The following G6PC3 variants were observed in gnomAD, a reference collection of about 807,000 sequenced individuals.
G6PC3 encodes glucose-6-phosphatase catalytic subunit 3, also known as glucose-6-phosphatase 3.
In G6PC3, 30 loss-of-function variants were observed where a neutral mutation model predicts 38.6. The observed-to-expected ratio is 0.78, with a 90% CI of 0.58 to 1.05. The LOEUF is 1.05. Ranked by LOEUF, G6PC3 falls within the 50% of genes least tolerant of loss-of-function variation. The pLI is 0.00. For synonymous variants in G6PC3, 192 were observed against 178.1 expected (o/e 1.08, Z -0.62); for missense variants, 377 against 443.1 (o/e 0.85, Z 1.34).
rs3815076 is a variant in G6PC3, at chr17:44,074,735, G to A, written c.381G>A (p.Thr127=). ...GAGCAGCCCTCTGGCCCATAATGAC[G>A]GCCCTGTCTTCGCAGGTGGCCACTC... The part of the protein sequence containing the change: ...ITGAALWPIM[T]ALSSQVATRA... The change falls in exon 3 of 6, where the codon ACG becomes ACA. Residue 127 remains threonine (T), a synonymous_variant. Coordinates refer to ENST00000269097, the MANE Select transcript of G6PC3 (RefSeq NM_138387.4). 180,701 of 1,613,860 alleles carry A rather than the reference G, an allele frequency of 0.11. 22,726 individuals carry two copies. Among genetic ancestry groups the A allele is most frequent in the East Asian group, 0.72 (32,431 of 44,842 alleles).
intron 1 of G6PC3, chr17:44,071,774 C>T: frequency 1.9e-6 from 1 of 528,654 alleles, no homozygotes; most frequent in South Asian, 1.5e-5. Context: ...CGGGCCAGAG[C>T]TACTGAATCA....
intron 1 of G6PC3, chr17:44,073,896 A>G: frequency 2.3e-6 from 1 of 444,090 alleles, no homozygotes; most frequent in Non-Finnish European, 4.2e-6. Context: ...ACCTGGCCCC[A>G]GACTAGTTTT....
At chr17:44,071,613 G>A (rs2049980093) in intron 1 of G6PC3, 1 of 1,267,742 alleles carries the variant, frequency 7.9e-7, no homozygotes, top group African/African-American at 1.5e-5. Context: ...TCATTCATTT[G>A]CTATAATTTT....
chr17:44,070,791 G>C lies in G6PC3; in HGVS notation c.-175G>C, dbSNP rs1257587112. On this transcript the variant is annotated 5_prime_UTR_variant, in exon 1 of 6. Transcript: ENST00000269097. ...AGGAAACAGTACCGGCTGGAGGCCG[G>C]TCTTGCAGGAGCGGGGGACTGCTGG... The C allele has an allele frequency of 1.4e-6, 1 of 718,816 alleles. No individual in the cohort carries two copies. Among genetic ancestry groups the C allele is most frequent in the Admixed American group, 2.1e-5 (1 of 48,620 alleles). 44.5% of individuals were successfully genotyped at this position (718,816 alleles called of 1,614,324 possible).
Position 44,075,728 on chromosome 17 carries a change from C to T in G6PC3, c.726C>T (p.His242=), listed in dbSNP as rs147246080. ...FKWCERPEWI[H]VDSRPFASLS... ...GGTGTGAGCGGCCTGAGTGGATACA[C>T]GTGGATAGCCGGCCCTTTGCCTCCC... is the stretch of plus-strand genomic sequence containing the variant. Residue 242 remains histidine, a synonymous_variant, in exon 6 of 6, where the codon CAC becomes CAT. Transcript: ENST00000269097. 8.9e-5 allele frequency: 143 copies of T among 1,612,654 alleles called. No homozygotes were observed. The highest frequency in any genetic ancestry group is 1.2e-4 in the South Asian group (11 of 91,096).
rs763307095 is a variant in G6PC3, at chr17:44,075,711, C to T, written c.709C>T (p.Arg237Trp). Residue 237 changes from arginine to tryptophan, a missense_variant, in exon 6 of 6, where the codon CGG becomes TGG. By Grantham distance (101) the Arg-to-Trp change is moderately radical. Coordinates refer to ENST00000269097, the MANE Select transcript of G6PC3 (RefSeq NM_138387.4). ...SISLAFKWCE[R>W]PEWIHVDSRP... ...CAGCCTAGCCTTCAAGTGGTGTGAG[C>T]GGCCTGAGTGGATACACGTGGATAG... 1.2e-6 allele frequency: 2 copies of T among 1,612,232 alleles called. No homozygotes were observed. The highest frequency in any genetic ancestry group is 1.3e-5 in the African/African-American group (1 of 74,922).
At chr17:44,071,751 G>C in intron 1 of G6PC3, 1 of 689,538 alleles carries the variant, frequency 1.5e-6, no homozygotes, top group Non-Finnish European at 2.3e-6. Context: ...TAAAAACGCA[G>C]ACTCTCAGGC....
Position 44,075,686 on chromosome 17 carries a change from C to G in G6PC3, c.684C>G (p.Ile228Met). 1 of 1,611,366 alleles carries G rather than the reference C, an allele frequency of 6.2e-7. No homozygotes were observed. The highest frequency in any genetic ancestry group is 8.5e-7 in the Non-Finnish European group (1 of 1,180,018). Residue 228 changes from isoleucine (I) to methionine (M), a missense_variant, in exon 6 of 6, where the codon ATC becomes ATG. Physicochemically the swap from Ile to Met is conservative, Grantham distance 10 (BLOSUM62 1). Coordinates refer to ENST00000269097, the MANE Select transcript of G6PC3 (RefSeq NM_138387.4). ...FTLGLDLSWS[I>M]SLAFKWCERP... Reference sequence around the variant, plus strand: ...GAACTCTTCTTCCCCACAGGTCCATCAGCCTAGCCTTCAAGTGGTGTGAGC... The same window carrying G: ...GAACTCTTCTTCCCCACAGGTCCATGAGCCTAGCCTTCAAGTGGTGTGAGC...
intron 1 of G6PC3, 102 bp downstream of exon 1, chr17:44,071,285 C>T: frequency 6.5e-7 from 1 of 1,529,660 alleles, no homozygotes; most frequent in Non-Finnish European, 8.8e-7. Flanking sequence ...AGGGCCTTCC[C>T]ACCCCTACTC....
intron 2 of G6PC3, 65 bp from the exon 3 acceptor site, chr17:44,074,615 C>T (rs747558944): frequency 9.3e-5 from 122 of 1,318,092 alleles, no homozygotes; most frequent in Non-Finnish European, 1.3e-4. Flanking sequence ...ATTATTGAGG[C>T]ATCACCAGGG....
chr17:44,075,075 G>A lies in G6PC3; in HGVS notation c.523G>A (p.Gly175Ser), dbSNP rs538474866. The A allele has an allele frequency of 1.2e-6, 2 of 1,613,534 alleles. No homozygotes were observed. The highest frequency in any genetic ancestry group is 1.7e-6 in the Non-Finnish European group (2 of 1,179,432). ...LAHFPHQVLA[G>S]LITGAVLGWL... ...ACATTTCCCTCACCAGGTGCTGGCT[G>A]GCCTAATAACTGGTGAGCAACTGGG... Residue 175 changes from glycine to serine, a missense_variant, in exon 4 of 6, where the codon GGC becomes AGC. Coordinates refer to ENST00000269097, the MANE Select transcript of G6PC3 (RefSeq NM_138387.4).
chr17:44,075,501 C>G (rs1409281252), intron 5 of G6PC3, 50 bp downstream of exon 5: 1 of 1,612,346 alleles, frequency 6.2e-7, no homozygotes, highest in Admixed American at 1.7e-5. Context: ...CCTATCTCGC[C>G]TGCACCTAGC....
At chr17:44,071,657 G>A in intron 1 of G6PC3, 1 of 1,283,686 alleles carries the variant, frequency 7.8e-7, no homozygotes, top group Non-Finnish European at 1.0e-6. Flanking sequence ...CATCACGGTA[G>A]CTGCTAAGGA....
rs762257824 is a variant in G6PC3 at position 44,076,178 on chromosome 17, TG to T, written c.*137del. ...TCCCTAAATCTGCTTCCGCACCACCTGGTCTTAGCCCCAAAGATGGGCCTTC... is the reference window on the plus strand; with the variant it reads ...TCCCTAAATCTGCTTCCGCACCACCTGTCTTAGCCCCAAAGATGGGCCTTC... On this transcript the variant is annotated 3_prime_UTR_variant, in exon 6 of 6. Transcript: ENST00000269097. The T allele has an allele frequency of 3.3e-6, 4 of 1,196,310 alleles. No individual in the cohort carries two copies. Among genetic ancestry groups the T allele is most frequent in the Non-Finnish European group, 4.9e-6 (4 of 814,596 alleles). The allele number at this position is 1,196,310 out of a possible 1,614,324, so 74.1% of individuals were successfully genotyped here.
At chr17:44,071,261 C>T in intron 1 of G6PC3, 78 bp downstream of exon 1, 1 of 1,555,524 alleles carries the variant, frequency 6.4e-7, no homozygotes, top group Non-Finnish European at 8.7e-7. Flanking sequence ...TGGTCTCTTT[C>T]AGCAACTGTC....
intron 5 of G6PC3, 54 bp downstream of exon 5, chr17:44,075,505 A>C: frequency 6.2e-7 from 1 of 1,611,490 alleles, no homozygotes. Flanking sequence ...TCTCGCCTGC[A>C]CCTAGCCTGG....
intron 1 of G6PC3, chr17:44,073,543 C>G (rs928433446): frequency 1.9e-5 from 3 of 156,986 alleles, no homozygotes; most frequent in Non-Finnish European, 2.8e-5. Flanking sequence ...TCACTGCAGC[C>G]TCAACCTCCT....
intron 5 of G6PC3, 109 bp from the exon 6 acceptor site, chr17:44,075,571 C>T (rs2050081427): frequency 3.1e-6 from 5 of 1,598,816 alleles, no homozygotes; most frequent in African/African-American, 1.3e-5. Context: ...CACATAGACC[C>T]TCACAGGCAC....
rs753515098 is a variant in G6PC3 at position 44,075,672 on chromosome 17, C to T, written c.678-8C>T. 1.2e-6 allele frequency: 2 copies of T among 1,610,224 alleles called. No homozygotes were observed. The highest frequency in any genetic ancestry group is 1.7e-6 in the Non-Finnish European group (2 of 1,179,998). Reference sequence around the variant, plus strand: ...GCCTCTCCTGGCAAGAACTCTTCTTCCCCACAGGTCCATCAGCCTAGCCTT... The same window carrying T: ...GCCTCTCCTGGCAAGAACTCTTCTTTCCCACAGGTCCATCAGCCTAGCCTT... On this transcript the variant is annotated splice_region_variant and splice_polypyrimidine_tract_variant and intron_variant, in intron 5 of 5. Transcript: ENST00000269097.
Sources: gnomAD v4.1 joint callset for allele counts on GRCh38, gnomAD v4.1.1 for gene constraint, MANE v1.5 for transcripts, NCBI Gene and HGNC (gene_info 2026-07-23, HGNC 2026-07-21) for gene names.